Variants in DHX57 observed in about 807,000 individuals in gnomAD.
DHX57 encodes putative ATP-dependent RNA helicase DHX57.
In DHX57, 105 loss-of-function variants were observed where a neutral mutation model predicts 156.2. That is an observed-to-expected ratio of 0.67 (90% CI 0.57 to 0.79). DHX57 has a LOEUF of 0.79. Ranked by LOEUF, DHX57 falls within the 30% of genes least tolerant of loss-of-function variation. The probability of loss-of-function intolerance (pLI) is 0.00; values close to 1 mark genes in which losing one functional copy is unlikely to be tolerated. For synonymous variants in DHX57, 704 were observed against 595.6 expected, an observed-to-expected ratio of 1.18 and a Z score of -2.65; for missense variants, 1,847 against 1,661.9, an observed-to-expected ratio of 1.11 and a Z score of -1.94.
At chr2:38,844,143 T>A (rs1672147247) in intron 11 of DHX57, among the ~76,000 whole-genome samples, 1 of 152,240 alleles carries the variant, frequency 6.6e-6, no homozygotes, top group Non-Finnish European at 1.5e-5. Flanking sequence ...ACCGTTTGTT[T>A]GTTTATTGAA....
At position 38,815,673 on chromosome 2, in the gene DHX57, A is replaced by G; in HGVS notation, c.3472-18T>C. On this transcript the variant is annotated intron_variant, in intron 19 of 23. Coordinates refer to ENST00000457308, the MANE Select transcript of DHX57 (RefSeq NM_198963.3). Reference sequence around the variant, plus strand: ...GCCATTTCCTGAAAGAAGTGGAAAAACCTTTAAGCAAGGGCATCAGCATAA... The same window carrying G: ...GCCATTTCCTGAAAGAAGTGGAAAAGCCTTTAAGCAAGGGCATCAGCATAA... 6.2e-7 allele frequency: 1 copy of G among 1,613,990 alleles called. No individual in the cohort carries two copies. The highest frequency in any genetic ancestry group is 1.1e-5 in the South Asian group (1 of 91,072).
At chr2:38,853,965 T>C (rs1490097761) in intron 9 of DHX57, 89 bp downstream of exon 9, 1 of 1,316,560 alleles carries the variant, frequency 7.6e-7, no homozygotes, top group Admixed American at 2.3e-5. Flanking sequence ...ACTAGCTGCA[T>C]GAAACTGAAT....
chr2:38,806,526 C>T (rs1052230403), intron 22 of DHX57, 33 bp downstream of exon 22: 1 of 1,606,798 alleles, frequency 6.2e-7, no homozygotes. Context: ...CCAGGACGAC[C>T]TGTAAACATT....
In DHX57 at chr2:38,824,646, T is replaced by G. The variant is rs568482989; in HGVS notation, c.3014+1201A>C. On this transcript the variant is annotated intron_variant, in intron 16 of 23. Transcript: ENST00000457308. The stretch of plus-strand genomic sequence containing the variant: ...TCTGAAGTTGCAGTCATTATTTATA[T>G]ATTTTTATTTTTTGGGGGGGTATAG... Among the ~76,000 whole-genome samples, 195 of 152,256 alleles carry G rather than the reference T, an allele frequency of 1.3e-3. 1 individual carries two copies. The highest frequency in any genetic ancestry group is 4.6e-3 in the African/African-American group (192 of 41,556).
intron 14 of DHX57, among the ~76,000 whole-genome samples, chr2:38,827,342 C>T (rs1413974755): frequency 6.7e-6 from 1 of 150,202 alleles, no homozygotes; most frequent in African/African-American, 2.4e-5. Context: ...ATTATTCTTC[C>T]TTTAAATACA....
At chr2:38,823,342 G>A (rs1056328371) in intron 16 of DHX57, 73 bp from the exon 17 acceptor site, 1 of 1,392,172 alleles carries the variant, frequency 7.2e-7, no homozygotes, top group Non-Finnish European at 9.8e-7. Flanking sequence ...AATTTCTTTT[G>A]TGAGTGATAA....
At chr2:38,812,593 G>C (rs1376522901) in intron 21 of DHX57, among the ~76,000 whole-genome samples, 2 of 152,212 alleles carry the variant, frequency 1.3e-5, no homozygotes, top group Non-Finnish European at 2.9e-5. Context: ...GAGTGCAATG[G>C]TATGATCTCG....
At position 38,798,066 on chromosome 2, in the gene DHX57, C is replaced by T. The variant is rs1669472721; in HGVS notation, c.*233G>A. 4 of 415,802 alleles carry T rather than the reference C, an allele frequency of 9.6e-6. No individual in the cohort carries two copies. The highest frequency in any genetic ancestry group is 1.8e-5 in the Non-Finnish European group (4 of 226,626). The allele number at this position is 415,802 out of a possible 1,614,324, so 25.8% of individuals were successfully genotyped here. On this transcript the variant is annotated 3_prime_UTR_variant, in exon 24 of 24. Transcript: ENST00000457308. ...AATCACAGAGACAAAGACAGGCAAG[C>T]TGGGTTTTAGGCTCTCACCCTTGAC...
intron 9 of DHX57, among the ~76,000 whole-genome samples, chr2:38,851,786 C>T (rs1672604849): frequency 6.6e-6 from 1 of 152,152 alleles, no homozygotes; most frequent in Non-Finnish European, 1.5e-5. Context: ...TTAAACTTAT[C>T]TTTATAAATC....
At chr2:38,799,437 C>CAAAAAAAA (rs772099726) in intron 23 of DHX57, among the ~76,000 whole-genome samples, 2 of 95,630 alleles carry the variant, frequency 2.1e-5, no homozygotes, top group Non-Finnish European at 3.8e-5. Context: ...CTTGTTGTCT[C>CAAAAAAAA]AAAAAAAAAA....
intron 12 of DHX57, among the ~76,000 whole-genome samples, chr2:38,842,038 A>G (rs1413394775): frequency 6.6e-6 from 1 of 152,224 alleles, no homozygotes; most frequent in East Asian, 1.9e-4. Context: ...CAAGGGAGAA[A>G]CCTAGCAAAC....
At chr2:38,834,736 A>G (rs1012888334) in intron 13 of DHX57, among the ~76,000 whole-genome samples, 1 of 152,330 alleles carries the variant, frequency 6.6e-6, no homozygotes, top group African/African-American at 2.4e-5. Flanking sequence ...TGTTCCGCAG[A>G]TGGAGGTCTA....
intron 12 of DHX57, among the ~76,000 whole-genome samples, chr2:38,842,668 T>C (rs923150159): frequency 3.9e-5 from 6 of 152,164 alleles, no homozygotes; most frequent in Non-Finnish European, 7.3e-5. Flanking sequence ...GAGTTCATCG[T>C]TTAGCCTTGC....
At chr2:38,873,823 G>GA (rs1290507876) in intron 1 of DHX57, among the ~76,000 whole-genome samples, 13 of 151,932 alleles carry the variant, frequency 8.6e-5, no homozygotes, top group Admixed American at 3.3e-4. Context: ...TGCTATCAAG[G>GA]AAAAAAAACC....
chr2:38,867,063 T>G (rs1180417328), intron 2 of DHX57: 1 of 152,238 alleles, frequency 6.6e-6, no homozygotes, highest in Admixed American at 6.5e-5. Context: ...CTATTTTTAC[T>G]ATACCTTTTC....
intron 14 of DHX57, among the ~76,000 whole-genome samples, chr2:38,827,725 T>C (rs1431975689): frequency 6.6e-6 from 1 of 151,666 alleles, no homozygotes; most frequent in Admixed American, 6.6e-5. Context: ...ATAGGAACTA[T>C]TGAAGATGAT....
intron 8 of DHX57, chr2:38,854,473 G>A: frequency 5.2e-6 from 1 of 193,848 alleles, no homozygotes; most frequent in Non-Finnish European, 1.0e-5. Context: ...CCAAGTTCAA[G>A]AGCAAAACAG....
At chr2:38,870,803 T>C (rs1015859275) in intron 1 of DHX57, among the ~76,000 whole-genome samples, 2 of 151,422 alleles carry the variant, frequency 1.3e-5, no homozygotes, top group Admixed American at 6.6e-5. Flanking sequence ...CACTTGAACA[T>C]GGGAGACAGA....
chr2:38,863,078 G>T, intron 3 of DHX57: 1 of 293,756 alleles, frequency 3.4e-6, no homozygotes, highest in East Asian at 6.5e-5. Flanking sequence ...TTCATTACAA[G>T]GGTTTATCTG....
Sources: allele counts gnomAD v4.1 joint callset (sites outside exome capture counted in the v4.1 genomes callset), GRCh38; gene constraint gnomAD v4.1.1; transcripts MANE v1.5; gene names NCBI Gene and HGNC (gene_info 2026-07-23, HGNC 2026-07-21).